FZR1: variants seen among roughly 807,000 people sequenced by gnomAD.
FZR1 encodes fizzy and cell division cycle 20 related 1.
FZR1 carries 11 observed loss-of-function variants against 63.6 expected under a neutral mutation model. That is an observed-to-expected ratio of 0.17 (90% CI 0.11 to 0.29). The LOEUF is 0.29. Ranked by LOEUF, FZR1 falls within the 10% of genes least tolerant of loss-of-function variation. The pLI, the probability that FZR1 is intolerant of heterozygous loss-of-function variation, is 1.00. For missense variants in FZR1, 440 were observed against 687.5 expected (o/e 0.64, Z 4.03); for synonymous variants, 328 against 297.9 (o/e 1.10, Z -1.04).
chr19:3,520,586 A>C (rs1245143766), intron 1 of FZR1, among the ~76,000 whole-genome samples: 1 of 152,188 alleles, frequency 6.6e-6, no homozygotes, highest in Non-Finnish European at 1.5e-5. Context: ...TGTGGGCTGC[A>C]TGCTCTTGTC....
chr19:3,511,688 G>A (rs190978441), intron 1 of FZR1, among the ~76,000 whole-genome samples: 32 of 152,308 alleles, frequency 2.1e-4, no homozygotes, highest in African/African-American at 7.7e-4. Flanking sequence ...GGCAGGTGGC[G>A]GCGTGAGTAA....
At position 3,527,666 on chromosome 19, in the gene FZR1, G is replaced by T. The variant is rs144842420; in HGVS notation, c.506G>T (p.Arg169Leu). 2 of 1,611,092 alleles carry T rather than the reference G, an allele frequency of 1.2e-6. No individual in the cohort carries two copies. Among genetic ancestry groups the T allele is most frequent in the Non-Finnish European group, 1.7e-6 (2 of 1,179,692 alleles). ...KLLRSPRKPT[R>L]KISKIPFKVL... ...CTCCGGTCCCCCCGGAAACCCACCC[G>T]CAAGATCTCCAAGATCCCCTTCAAG... Residue 169 changes from arginine to leucine, a missense_variant, in exon 7 of 14, where the codon CGC becomes CTC. Physicochemically the swap from Arg to Leu is moderately radical, Grantham distance 102. Around this residue, in one of 5 missense-constraint regions of FZR1, gnomAD observed 200 missense variants for 245.1 expected, o/e 0.82. Coordinates refer to ENST00000441788, the MANE Select transcript of FZR1 (RefSeq NM_016263.4).
At chr19:3,518,056 C>A (rs901612985) in intron 1 of FZR1, among the ~76,000 whole-genome samples, 2 of 150,446 alleles carry the variant, frequency 1.3e-5, no homozygotes, top group Non-Finnish European at 1.5e-5. Context: ...ACTGTGTCAC[C>A]CAGGCTGGAG....
At chr19:3,509,305 G>C (rs1327135363) in intron 1 of FZR1, among the ~76,000 whole-genome samples, 1 of 152,214 alleles carries the variant, frequency 6.6e-6, no homozygotes, top group Non-Finnish European at 1.5e-5. Flanking sequence ...CAAGCAGCCT[G>C]CCTGGCCGCG....
rs999826787 is a variant in FZR1 at position 3,515,209 on chromosome 19, A to G, written c.-34-7747A>G. ...ACTCACTGATTCACTGCTGATGTGC[A>G]GCGAGGGTCCGGGTTGCTGCTAAAC... is the stretch of plus-strand genomic sequence containing the variant. On this transcript the variant is annotated intron_variant, in intron 1 of 13. Coordinates refer to ENST00000441788, the MANE Select transcript of FZR1 (RefSeq NM_016263.4). This position sits in a 1 kb window ranked among gnomAD's most constrained non-coding sequence, Gnocchi z 4.6. Among the ~76,000 whole-genome samples, 1 of 152,234 alleles carries G rather than the reference A, an allele frequency of 6.6e-6. No individual in the cohort carries two copies. The highest frequency in any genetic ancestry group is 1.5e-5 in the Non-Finnish European group (1 of 68,034).
intron 1 of FZR1, among the ~76,000 whole-genome samples, chr19:3,517,384 G>A (rs1161386035): frequency 4.7e-5 from 7 of 147,802 alleles, no homozygotes; most frequent in African/African-American, 7.6e-5. Flanking sequence ...AGTGAGACCC[G>A]GTCTCAAAAA....
At chr19:3,522,835 A>G in intron 1 of FZR1, 121 bp from the exon 2 acceptor site, 1 of 662,934 alleles carries the variant, frequency 1.5e-6, no homozygotes. Context: ...AGATCCCCAC[A>G]GAGGAGCCAG....
chr19:3,533,204 C>T lies in FZR1; in HGVS notation c.1243-90C>T. On this transcript the variant is annotated intron_variant, in intron 11 of 13. Transcript: ENST00000441788. This position sits in a 1 kb window ranked among gnomAD's most constrained non-coding sequence, Gnocchi z 4.9. ...GCTGGCTGGCGGCTCTGAGCTCTCA[C>T]ATGGGCTCAGGCGGGTGCATGTGAG... 1.2e-6 allele frequency: 1 copy of T among 813,342 alleles called. No homozygotes were observed. The highest frequency in any genetic ancestry group is 2.1e-6 in the Non-Finnish European group (1 of 472,324). The allele number at this position is 813,342 out of a possible 1,614,324, so 50.4% of individuals were successfully genotyped here.
At chr19:3,527,977 C>T (rs2083178146) in intron 7 of FZR1, among the ~76,000 whole-genome samples, 163 bp downstream of exon 7, 1 of 151,662 alleles carries the variant, frequency 6.6e-6, no homozygotes, top group Non-Finnish European at 1.5e-5. Flanking sequence ...CTCCCAGCCA[C>T]TACCCTCCCA....
At position 3,533,671 on chromosome 19, in the gene FZR1, G is replaced by T; in HGVS notation, c.1347+273G>T. 1 of 427,942 alleles carries T rather than the reference G, an allele frequency of 2.3e-6. No homozygotes were observed. The allele number at this position is 427,942 out of a possible 1,614,324, so 26.5% of individuals were successfully genotyped here. A position where few individuals can be genotyped will look rare whatever the true frequency, so the allele number is the denominator to read the frequency against. ...TTTGTTTATTTTCCCCATAAAGAGG[G>T]GTGAAGAGGAAAGCCAAAACCAACT... On this transcript the variant is annotated intron_variant, in intron 12 of 13. Transcript: ENST00000441788. The surrounding 1 kb of genome is among the most constrained non-coding windows in gnomAD (Gnocchi z 4.9).
rs1388956168 is a variant in FZR1 at position 3,525,406 on chromosome 19, C to T, written c.70-462C>T. On this transcript the variant is annotated intron_variant, in intron 2 of 13. Transcript: ENST00000441788. The surrounding 1 kb of genome is among the most constrained non-coding windows in gnomAD (Gnocchi z 4.2). The stretch of plus-strand genomic sequence containing the variant: ...CCTGACCATGAGTGACCACGAGTGA[C>T]TGTGTGGCTCCCCTCCTTGGGTTTT... 1.4e-5 allele frequency among the ~76,000 whole-genome samples: 2 copies of T among 146,620 alleles called. No individual in the cohort carries two copies. Among genetic ancestry groups the T allele is most frequent in the African/African-American group, 5.0e-5 (2 of 39,688 alleles).
intron 7 of FZR1, among the ~76,000 whole-genome samples, chr19:3,529,129 GA>G: frequency 6.9e-6 from 1 of 144,136 alleles, no homozygotes; most frequent in South Asian, 2.2e-4. Flanking sequence ...TGGGAGAGCG[GA>G]TGGGAGAGCG....
rs2083266646 is a variant in FZR1, at chr19:3,533,311, C to T, written c.1260C>T (p.Tyr420=). 1 of 1,612,142 alleles carries T rather than the reference C, an allele frequency of 6.2e-7. No homozygotes were observed. Among genetic ancestry groups the T allele is most frequent in the African/African-American group, 1.3e-5 (1 of 75,032 alleles). The change falls in exon 12 of 14, where the codon TAC becomes TAT. Residue 420 remains tyrosine, a synonymous_variant. Coordinates refer to ENST00000441788, the MANE Select transcript of FZR1 (RefSeq NM_016263.4). The surrounding 1 kb of genome is among the most constrained non-coding windows in gnomAD (Gnocchi z 4.9). The stretch of plus-strand genomic sequence containing the variant: ...CCCTCCAGGTGAGCACGCACGGCTA[C>T]TCACAGAACCAGATCCTTGTCTGGA... ...HANELVSTHG[Y]SQNQILVWKY...
intron 6 of FZR1, 85 bp downstream of exon 6, chr19:3,527,147 C>G: frequency 9.0e-7 from 1 of 1,112,596 alleles, no homozygotes; most frequent in Middle Eastern, 2.0e-4. Flanking sequence ...CTCCGCAGCC[C>G]TGTCCCTGCG....
chr19:3,525,126 C>CG lies in FZR1; in HGVS notation c.70-742_70-741insG. ...CACTCCCAGGTGGCTCTGGGTACAG[C>CG]TGTTGCGTGTCTTGTGCCGTCAAGG... is the stretch of plus-strand genomic sequence containing the variant. On this transcript the variant is annotated intron_variant, in intron 2 of 13. Transcript: ENST00000441788. The surrounding 1 kb of genome is among the most constrained non-coding windows in gnomAD (Gnocchi z 4.2). 6.6e-6 allele frequency among the ~76,000 whole-genome samples: 1 copy of CG among 152,174 alleles called. No individual in the cohort carries two copies. The highest frequency in any genetic ancestry group is 6.5e-5 in the Admixed American group (1 of 15,286).
Position 3,527,747 on chromosome 19 carries a change from C to G in FZR1, c.587C>G (p.Ser196Trp). The change falls in exon 7 of 14, where the codon TCG (serine) becomes TGG (tryptophan). Residue 196 changes from serine (S) to tryptophan (W), a missense_variant. Ser to Trp is a radical substitution (Grantham distance 177). Around this residue, in one of 5 missense-constraint regions of FZR1, gnomAD observed 208 missense variants for 363.6 expected, o/e 0.57. Transcript: ENST00000441788. Reference protein sequence around the residue: ...DDFYLNLVDWSSLNVLSVGLG... With the variant: ...DDFYLNLVDWWSLNVLSVGLG... ...TTCTACCTCAATCTGGTGGACTGGT[C>G]GTCCCTCAATGTGCTCAGCGTGGGG... The G allele has an allele frequency of 6.2e-7, 1 of 1,612,712 alleles. No individual in the cohort carries two copies. Among genetic ancestry groups the G allele is most frequent in the Non-Finnish European group, 8.5e-7 (1 of 1,179,774 alleles).
At chr19:3,518,761 G>A (rs967233426) in intron 1 of FZR1, among the ~76,000 whole-genome samples, 1 of 152,228 alleles carries the variant, frequency 6.6e-6, no homozygotes, top group South Asian at 2.1e-4. Context: ...CTACTCAGAA[G>A]GCTGAGGTAG....
At position 3,516,005 on chromosome 19, in the gene FZR1, C is replaced by T. The variant is rs569086904; in HGVS notation, c.-34-6951C>T. ...TGCGTCTTCCACTCTGACTAGCTGCCGCAGTGACTCCATCTCTGCACACAT... is the reference window on the plus strand; with the variant it reads ...TGCGTCTTCCACTCTGACTAGCTGCTGCAGTGACTCCATCTCTGCACACAT... On this transcript the variant is annotated intron_variant, in intron 1 of 13. Transcript: ENST00000441788. This position sits in a 1 kb window ranked among gnomAD's most constrained non-coding sequence, Gnocchi z 6.0. Among the ~76,000 whole-genome samples, 12 of 152,292 alleles carry T rather than the reference C, an allele frequency of 7.9e-5. No homozygotes were observed. Among genetic ancestry groups the T allele is most frequent in the African/African-American group, 2.4e-4 (10 of 41,560 alleles).
At chr19:3,534,735 C>A in intron 13 of FZR1, 60 bp from the exon 14 acceptor site, 1 of 1,507,524 alleles carries the variant, frequency 6.6e-7, no homozygotes, top group Non-Finnish European at 9.2e-7. Flanking sequence ...GGGGACCCTC[C>A]AGGCAGCTTC....
Sources: allele counts gnomAD v4.1 joint callset (sites outside exome capture counted in the v4.1 genomes callset), GRCh38; gene constraint gnomAD v4.1.1; regional missense constraint gnomAD v4.1.1; non-coding constraint Gnocchi (gnomAD v3.1); transcripts MANE v1.5; gene names NCBI Gene and HGNC (gene_info 2026-07-23, HGNC 2026-07-21).